Variants in RPN1 observed in about 807,000 individuals in gnomAD.
RPN1 encodes the protein dolichyl-diphosphooligosaccharide--protein glycosyltransferase subunit 1.
RPN1 carries 12 observed loss-of-function variants against 55.5 expected under a neutral mutation model. The observed-to-expected ratio is 0.22, with a 90% CI of 0.14 to 0.35. RPN1 has a LOEUF of 0.35. Among genes scored for constraint, RPN1 ranks in the 10% least tolerant of loss-of-function variants. RPN1 has a pLI of 1.00. For synonymous variants in RPN1, 317 were observed against 305.9 expected, an observed-to-expected ratio of 1.04 and a Z score of -0.38; for missense variants, 679 against 761.3, an observed-to-expected ratio of 0.89 and a Z score of 1.27.
intron 1 of RPN1, among the ~76,000 whole-genome samples, chr3:128,648,209 T>C (rs1181651297): frequency 6.6e-6 from 1 of 152,000 alleles, no homozygotes; most frequent in Non-Finnish European, 1.5e-5. Flanking sequence ...CTGGCCAACA[T>C]GCGTGAAACC....
At chr3:128,637,081 A>C (rs1203322531) in intron 3 of RPN1, among the ~76,000 whole-genome samples, 1 of 152,052 alleles carries the variant, frequency 6.6e-6, no homozygotes, top group Non-Finnish European at 1.5e-5. Context: ...TACAACAAAA[A>C]TAAAAAATTA....
chr3:128,642,367 A>C (rs2069732392), intron 2 of RPN1: 1 of 152,184 alleles, frequency 6.6e-6, no homozygotes, highest in African/African-American at 2.4e-5. Flanking sequence ...TAAACTTAAC[A>C]ACCAAAGAAA....
At chr3:128,623,548 AC>A in intron 8 of RPN1, among the ~76,000 whole-genome samples, 1 of 92,382 alleles carries the variant, frequency 1.1e-5, no homozygotes, top group African/African-American at 3.9e-5. Flanking sequence ...GAGAAAAAAA[AC>A]ATTTTTTTAA....
chr3:128,642,150 T>C (rs913305750), intron 2 of RPN1: 2 of 152,132 alleles, frequency 1.3e-5, no homozygotes, highest in Admixed American at 1.3e-4. Flanking sequence ...GAGAGGAGTC[T>C]CTTAAAGCAA....
At chr3:128,650,499 A>G in intron 1 of RPN1, 41 bp downstream of exon 1, 1 of 1,498,446 alleles carries the variant, frequency 6.7e-7, no homozygotes. Flanking sequence ...GGGAGGCGGG[A>G]AGGGTCCCGG....
intron 4 of RPN1, 58 bp downstream of exon 4, chr3:128,631,890 A>C: frequency 6.3e-7 from 1 of 1,581,134 alleles, no homozygotes. Flanking sequence ...AAAGCAAAGA[A>C]TAGGTAGCTG....
chr3:128,650,662 C>T lies in RPN1; in HGVS notation c.139G>A (p.Ala47Thr). Residue 47 changes from alanine to threonine, a missense_variant, in exon 1 of 10, where the codon GCT (alanine) becomes ACT (threonine). Coordinates refer to ENST00000296255, the MANE Select transcript of RPN1 (RefSeq NM_002950.4). ...AGGACCACCTCGGCCGTCACCTTAG[C>T]CAGGTGGCTGCTTAGGTCCACTGTG... ...KRTVDLSSHL[A>T]KVTAEVVLAH... The T allele has an allele frequency of 6.4e-7, 1 of 1,567,116 alleles. No individual in the cohort carries two copies. Among genetic ancestry groups the T allele is most frequent in the Non-Finnish European group, 8.7e-7 (1 of 1,155,866 alleles).
At chr3:128,623,528 ACT>A (rs2069575525) in intron 8 of RPN1, among the ~76,000 whole-genome samples, 1 of 148,250 alleles carries the variant, frequency 6.7e-6, no homozygotes, top group Non-Finnish European at 1.5e-5. Flanking sequence ...ACAGAGTGAG[ACT>A]CTGTCTCGAG....
chr3:128,640,178 G>C (rs373205869), intron 2 of RPN1, among the ~76,000 whole-genome samples: 1 of 151,024 alleles, frequency 6.6e-6, no homozygotes, highest in South Asian at 2.1e-4. Context: ...TCTCAAAAAA[G>C]GAAAAAAAAG....
At position 128,620,341 on chromosome 3, in the gene RPN1, A is replaced by C; in HGVS notation, c.*70T>G. On this transcript the variant is annotated 3_prime_UTR_variant, in exon 10 of 10. Transcript: ENST00000296255. ...CACTGGCCTCCATGCACAACCTCCC[A>C]CTACCACCCAATCTGCCTGCCACAG... 6 of 1,462,910 alleles carry C rather than the reference A, an allele frequency of 4.1e-6. No homozygotes were observed. Among genetic ancestry groups the C allele is most frequent in the South Asian group, 1.3e-5 (1 of 74,924 alleles). The allele number at this position is 1,462,910 out of a possible 1,614,324, so 90.6% of individuals were successfully genotyped here. A position where few individuals can be genotyped will look rare whatever the true frequency, so the allele number is the denominator to read the frequency against.
At chr3:128,637,273 GAA>G (rs1307797634) in intron 3 of RPN1, among the ~76,000 whole-genome samples, 1 of 151,870 alleles carries the variant, frequency 6.6e-6, no homozygotes, top group African/African-American at 2.4e-5. Context: ...CTCCACCAAA[GAA>G]AAAAAGAGGT....
chr3:128,632,307 T>C (rs922626316), intron 3 of RPN1, 150 bp from the exon 4 acceptor site: 18 of 660,018 alleles, frequency 2.7e-5, no homozygotes, highest in Non-Finnish European at 4.6e-5. Context: ...AAAATTATGT[T>C]TACTAGGACT....
Position 128,646,840 on chromosome 3 carries a change from G to A in RPN1, c.262-1857C>T, listed in dbSNP as rs150684036. On this transcript the variant is annotated intron_variant, in intron 1 of 9. Transcript: ENST00000296255. ...ATAAAAAAATTAGCTGGGTGTGGTGGCAGGCACCTTTAAGGCCAGCTACTT... is the reference window on the plus strand; with the variant it reads ...ATAAAAAAATTAGCTGGGTGTGGTGACAGGCACCTTTAAGGCCAGCTACTT... Among the ~76,000 whole-genome samples, 705 of 151,900 alleles carry A rather than the reference G, an allele frequency of 4.6e-3. 6 individuals are homozygous for A. Among genetic ancestry groups the A allele is most frequent in the African/African-American group, 0.016 (681 of 41,434 alleles).
In RPN1 at chr3:128,620,216, A is replaced by G; in HGVS notation, c.*195T>C. On this transcript the variant is annotated 3_prime_UTR_variant, in exon 10 of 10. Transcript: ENST00000296255. ...TTTTTTTAAAGTTTTCTTTTTTTAAAAAAAAAAAAAAAGAAAGTTAAGGAC... is the reference window on the plus strand; with the variant it reads ...TTTTTTTAAAGTTTTCTTTTTTTAAGAAAAAAAAAAAAGAAAGTTAAGGAC... The G allele has an allele frequency of 8.1e-6, 3 of 368,782 alleles. No individual in the cohort carries two copies. The highest frequency in any genetic ancestry group is 1.4e-5 in the Non-Finnish European group (3 of 210,116). 22.8% of individuals were successfully genotyped at this position (368,782 alleles called of 1,614,324 possible).
rs570776228 is a variant in RPN1, at chr3:128,650,489, G to A, written c.261+51C>T. 2,599 of 1,483,680 alleles carry A rather than the reference G, an allele frequency of 1.8e-3. 36 individuals carry two copies. In the African/African-American group the frequency reaches 0.03, roughly 17 times the overall value. The allele number at this position is 1,483,680 out of a possible 1,614,324, so 91.9% of individuals were successfully genotyped here. ...GGCGGAGTCGGGGGACCGCCAGGAA[G>A]GGAGGCGGGAAGGGTCCCGGGAGCG... On this transcript the variant is annotated intron_variant, in intron 1 of 9. Coordinates refer to ENST00000296255, the MANE Select transcript of RPN1 (RefSeq NM_002950.4).
chr3:128,626,515 T>C (rs1357744883), intron 6 of RPN1, among the ~76,000 whole-genome samples: 1 of 152,226 alleles, frequency 6.6e-6, no homozygotes, highest in East Asian at 1.9e-4. Context: ...TCTTCCACTA[T>C]GGAACATTCT....
chr3:128,643,338 A>G (rs2107721278), intron 2 of RPN1, among the ~76,000 whole-genome samples: 2 of 151,470 alleles, frequency 1.3e-5, no homozygotes, highest in Admixed American at 6.6e-5. Context: ...CAAAAAAAAA[A>G]AAAAACAAAG....
chr3:128,639,456 A>G (rs1454139273), intron 2 of RPN1, among the ~76,000 whole-genome samples: 1 of 83,484 alleles, frequency 1.2e-5, no homozygotes, highest in Non-Finnish European at 2.7e-5. Context: ...CCGTCTCAAG[A>G]AAAAAAAAAA....
chr3:128,633,975 T>G (rs1277773676), intron 3 of RPN1, among the ~76,000 whole-genome samples: 1 of 151,646 alleles, frequency 6.6e-6, no homozygotes, highest in Non-Finnish European at 1.5e-5. Context: ...AGAGCGAGAC[T>G]GTCTCTCAAA....
Sources: gnomAD v4.1 joint callset for allele counts (sites outside exome capture counted in the v4.1 genomes callset) on GRCh38, gnomAD v4.1.1 for gene constraint, MANE v1.5 for transcripts, NCBI Gene and HGNC (gene_info 2026-07-23, HGNC 2026-07-21) for gene names.